The following IVD variants were observed in gnomAD, a reference collection of about 807,000 sequenced individuals.
The protein encoded by IVD is isovaleryl-CoA dehydrogenase.
In IVD, 31 loss-of-function variants were observed where a neutral mutation model predicts 51.3. The observed-to-expected ratio is 0.60, with a 90% CI of 0.45 to 0.81. IVD has a LOEUF of 0.81. IVD is among the 40% of genes least tolerant of loss of function. The probability of loss-of-function intolerance (pLI) is 0.00; values close to 1 mark genes in which losing one functional copy is unlikely to be tolerated. For missense variants in IVD, 475 were observed against 552.0 expected (o/e 0.86, Z 1.40); for synonymous variants, 205 against 219.4 (o/e 0.93, Z 0.58).
At chr15:40,413,754 G>T (rs916092129) in intron 7 of IVD, among the ~76,000 whole-genome samples, 3 of 151,910 alleles carry the variant, frequency 2.0e-5, no homozygotes, top group African/African-American at 4.8e-5. Flanking sequence ...GCAGTGGCGT[G>T]ATCTCAGCTC....
At chr15:40,412,080 G>A (rs528274953) in intron 6 of IVD, among the ~76,000 whole-genome samples, 1 of 152,360 alleles carries the variant, frequency 6.6e-6, no homozygotes, top group East Asian at 1.9e-4. Flanking sequence ...AAGCAAGAAG[G>A]AAGCAGAGCA....
intron 7 of IVD, 177 bp from the exon 8 acceptor site, chr15:40,414,712 C>A: frequency 1.8e-6 from 2 of 1,110,388 alleles, no homozygotes; most frequent in Middle Eastern, 3.0e-4. Flanking sequence ...AGCTCCACTT[C>A]TGACTGGAAG....
chr15:40,410,699 G>A lies in IVD; in HGVS notation c.358G>A (p.Gly120Arg), dbSNP rs142761835. The A allele has an allele frequency of 2.7e-5, 44 of 1,614,074 alleles. No individual in the cohort carries two copies. In the African/African-American group the frequency reaches 3.5e-4, roughly 13 times the overall value. ...LVMEEISRAS[G>R]AVGLSYGAHS... The stretch of plus-strand genomic sequence containing the variant: ...GATGGAGGAGATATCCCGAGCTTCC[G>A]GAGCAGTGGGGCTCAGTTACGGTGC... Residue 120 changes from glycine to arginine, a missense_variant, in exon 4 of 12, where the codon GGA (glycine) becomes AGA (arginine). By Grantham distance (125) the Gly-to-Arg change is moderately radical. Transcript: ENST00000487418.
intron 5 of IVD, 65 bp from the exon 6 acceptor site, chr15:40,411,490 A>C: frequency 1.2e-6 from 2 of 1,611,082 alleles, no homozygotes. Flanking sequence ...GCTCAGCAGA[A>C]GGTCTATGGC....
chr15:40,406,104 C>T, intron 1 of IVD, 133 bp downstream of exon 1: 1 of 1,540,420 alleles, frequency 6.5e-7, no homozygotes, highest in Non-Finnish European at 8.8e-7. Flanking sequence ...GTTGGGAGCG[C>T]CAGCGCGGGG....
chr15:40,409,748 A>G (rs1458736445), intron 3 of IVD, among the ~76,000 whole-genome samples: 2 of 151,806 alleles, frequency 1.3e-5, no homozygotes, highest in Non-Finnish European at 2.9e-5. Flanking sequence ...CTCTGCCAGC[A>G]TCTCATCTGC....
chr15:40,435,722 C>A (rs1893231402), downstream of IVD: 2 of 995,190 alleles, frequency 2.0e-6, no homozygotes, highest in Non-Finnish European at 2.4e-6. Context: ...CACAGCTCTG[C>A]ACCTTTGCTG....
chr15:40,420,487 G>A lies in IVD; in HGVS notation c.*2224G>A, dbSNP rs750451493. 1.2e-4 allele frequency: 119 copies of A among 987,532 alleles called. No homozygotes were observed. Among genetic ancestry groups the A allele is most frequent in the Non-Finnish European group, 1.4e-4 (116 of 830,132 alleles). The allele number at this position is 987,532 out of a possible 1,614,324, so 61.2% of individuals were successfully genotyped here. ...AGCAATCTACTTGCCGCTGCTTCCT[G>A]TCTGGATCCAGCTTGTGTCCTTGGA... On this transcript the variant is annotated 3_prime_UTR_variant, in exon 12 of 12. Coordinates refer to ENST00000487418, the MANE Select transcript of IVD (RefSeq NM_002225.5).
At position 40,414,902 on chromosome 15, in the gene IVD, G is replaced by T; in HGVS notation, c.798G>T (p.Leu266=). The change falls in exon 8 of 12, where the codon CTG becomes CTT. Residue 266 remains leucine (L), a synonymous_variant. Coordinates refer to ENST00000487418, the MANE Select transcript of IVD (RefSeq NM_002225.5). ...EDCKIPAANI[L]GHENKGVYVL... ...TTATCCTGGCAGCTGCCAACATCCTGGGCCATGAGAATAAGGGTGTCTACG... is the reference window on the plus strand; with the variant it reads ...TTATCCTGGCAGCTGCCAACATCCTTGGCCATGAGAATAAGGGTGTCTACG... The T allele has an allele frequency of 6.2e-7, 1 of 1,614,146 alleles. No individual in the cohort carries two copies. The highest frequency in any genetic ancestry group is 8.5e-7 in the Non-Finnish European group (1 of 1,180,002).
rs538600078 is a variant in IVD at position 40,420,220 on chromosome 15, C to G, written c.*1957C>G. On this transcript the variant is annotated 3_prime_UTR_variant, in exon 12 of 12. Transcript: ENST00000487418. ...GACTGGCTCCTCCTGTACAGCACCT[C>G]TGAGCCCTTGTGCACCGCCCTGCCA... The G allele has an allele frequency of 1.0e-6, 1 of 986,674 alleles. No homozygotes were observed. Among genetic ancestry groups the G allele is most frequent in the East Asian group, 1.1e-4 (1 of 8,818 alleles). The allele number at this position is 986,674 out of a possible 1,614,324, so 61.1% of individuals were successfully genotyped here.
At chr15:40,435,477 C>T (rs1893218178) in exon 9 of IVD, 1 of 1,253,960 alleles carries the variant, frequency 8.0e-7, no homozygotes, top group South Asian at 1.3e-5. Context: ...GGTCAGACGT[C>T]CCTGGAGCAG....
rs34695403 is a variant in IVD, at chr15:40,407,639, C to T, written c.148C>T (p.Arg50Cys). ...CTGTTTACCTCTCTCCTATTAGCTT[C>T]GTCAGACCATGGCTAAGTTCCTTCA... is the stretch of plus-strand genomic sequence containing the variant. ...NGLSEEQRQL[R>C]QTMAKFLQEH... The change falls in exon 2 of 12, where the codon CGT (arginine) becomes TGT (cysteine). Residue 50 changes from arginine to cysteine, a missense_variant. Physicochemically the swap from Arg to Cys is radical, Grantham distance 180. Coordinates refer to ENST00000487418, the MANE Select transcript of IVD (RefSeq NM_002225.5). 66 of 1,613,542 alleles carry T rather than the reference C, an allele frequency of 4.1e-5. No homozygotes were observed. The highest frequency in any genetic ancestry group is 5.4e-5 in the Non-Finnish European group (64 of 1,179,584).
intron 1 of IVD, among the ~76,000 whole-genome samples, chr15:40,406,830 G>T (rs1266330872): frequency 2.0e-5 from 3 of 151,792 alleles, no homozygotes; most frequent in Non-Finnish European, 2.9e-5. Flanking sequence ...CTATTCTCAA[G>T]CTTTCCTGGC....
intron 1 of IVD, among the ~76,000 whole-genome samples, chr15:40,406,921 T>C (rs1211159064): frequency 6.6e-6 from 1 of 151,422 alleles, no homozygotes; most frequent in African/African-American, 2.4e-5. Context: ...TGGAGTGTAA[T>C]GGCGCGATCT....
intron 11 of IVD, among the ~76,000 whole-genome samples, chr15:40,416,600 G>A (rs1474045972): frequency 2.0e-5 from 3 of 152,170 alleles, no homozygotes; most frequent in African/African-American, 7.2e-5. Flanking sequence ...GGGAGGCTGA[G>A]GCAGGAGAAT....
intron 1 of IVD, 190 bp downstream of exon 1, chr15:40,406,161 C>G: frequency 6.5e-7 from 1 of 1,538,894 alleles, no homozygotes; most frequent in East Asian, 2.5e-5. Flanking sequence ...CTGACCTCGG[C>G]CTCACGTCTG....
chr15:40,408,689 A>G (rs1278778563), intron 3 of IVD, among the ~76,000 whole-genome samples: 1 of 152,030 alleles, frequency 6.6e-6, no homozygotes, highest in Non-Finnish European at 1.5e-5. Flanking sequence ...GGTTGCTCAC[A>G]CCTGTAATCC....
Position 40,415,086 on chromosome 15 carries a change from G to A in IVD, c.878+104G>A, listed in dbSNP as rs897466455. The A allele has an allele frequency of 2.3e-6, 3 of 1,329,480 alleles. No homozygotes were observed. The African/African-American group carries it at 4.3e-5, about 19-fold the overall frequency. The allele number at this position is 1,329,480 out of a possible 1,614,324, so 82.4% of individuals were successfully genotyped here. A position where few individuals can be genotyped will look rare whatever the true frequency, so the allele number is the denominator to read the frequency against. ...TCCCCTTGCGGGGCCAAAGGGAGCT[G>A]CCTCTTGGCCCTGCTCTCTCCTGGG... is the stretch of plus-strand genomic sequence containing the variant. On this transcript the variant is annotated intron_variant, in intron 8 of 11. Transcript: ENST00000487418.
intron 7 of IVD, among the ~76,000 whole-genome samples, chr15:40,429,752 C>T (rs1017578185): frequency 1.8e-4 from 28 of 152,170 alleles, no homozygotes; most frequent in African/African-American, 6.0e-4. Context: ...CTCAAGGCTT[C>T]GCCTTGAACT....
Sources: gnomAD v4.1 joint callset for allele counts (sites outside exome capture counted in the v4.1 genomes callset) on GRCh38, gnomAD v4.1.1 for gene constraint, MANE v1.5 for transcripts, NCBI Gene and HGNC (gene_info 2026-07-23, HGNC 2026-07-21) for gene names.